The following TMTC1 variants were observed in gnomAD, a reference collection of about 807,000 sequenced individuals.
TMTC1 encodes protein O-mannosyl-transferase TMTC1.
TMTC1 carries 73 observed loss-of-function variants against 104.8 expected under a neutral mutation model. The ratio of observed to expected loss-of-function variants is 0.70; its 90% CI spans 0.58 to 0.85. The LOEUF is 0.85. Ranked by LOEUF, TMTC1 falls within the 40% of genes least tolerant of loss-of-function variation. The pLI, the probability that TMTC1 is intolerant of heterozygous loss-of-function variation, is 0.00. For synonymous variants in TMTC1, 434 were observed against 428.7 expected, an observed-to-expected ratio of 1.01 and a Z score of -0.15; for missense variants, 1,035 against 1,096.1, an observed-to-expected ratio of 0.94 and a Z score of 0.79.
At chr12:29,587,204 T>C (rs1946161212) in intron 7 of TMTC1, among the ~76,000 whole-genome samples, 1 of 152,246 alleles carries the variant, frequency 6.6e-6, no homozygotes, top group African/African-American at 2.4e-5. Context: ...TTCTTCTAGA[T>C]TTTCTAATTT....
At chr12:29,551,606 A>C (rs1945106246) in intron 10 of TMTC1, among the ~76,000 whole-genome samples, 1 of 152,146 alleles carries the variant, frequency 6.6e-6, no homozygotes. Context: ...GTTCTTCAAG[A>C]AGTTCTTTTT....
intron 8 of TMTC1, among the ~76,000 whole-genome samples, chr12:29,572,628 C>A (rs1945711030): frequency 6.6e-6 from 1 of 152,158 alleles, no homozygotes; most frequent in Non-Finnish European, 1.5e-5. Flanking sequence ...ACACACACAA[C>A]CTTGCAATTA....
chr12:29,702,943 AAGACC>A (rs1281633759), intron 5 of TMTC1, among the ~76,000 whole-genome samples: 1 of 152,042 alleles, frequency 6.6e-6, no homozygotes, highest in Non-Finnish European at 1.5e-5. Context: ...TCAGGAGATC[AAGACC>A]AGACCGGGCA....
Position 29,633,249 on chromosome 12 carries a change from A to T in TMTC1, c.1026T>A (p.Ser342Arg), listed in dbSNP as rs1313648484. ...CCCATATGGTCTCTACCAGAGGAATACTGCCGACCTGCCAGTCATAGCACA... is the reference window on the plus strand; with the variant it reads ...CCCATATGGTCTCTACCAGAGGAATTCTGCCGACCTGCCAGTCATAGCACA... ...VTLCYDWQVGSIPLVETIWDM... is the reference protein window; with the variant it reads ...VTLCYDWQVGRIPLVETIWDM... Residue 342 changes from serine to arginine, a missense_variant, in exon 6 of 18, where the codon AGT (serine) becomes AGA (arginine). By Grantham distance (110) the Ser-to-Arg change is moderately radical. Transcript: ENST00000539277. 8.7e-6 allele frequency: 14 copies of T among 1,613,942 alleles called. No individual in the cohort carries two copies. The highest frequency in any genetic ancestry group is 1.2e-5 in the Non-Finnish European group (14 of 1,179,988).
In TMTC1 at chr12:29,783,809, A is replaced by C; in HGVS notation, c.-58T>G. The C allele has an allele frequency of 2.7e-6, 3 of 1,107,428 alleles. No homozygotes were observed. The highest frequency in any genetic ancestry group is 3.3e-6 in the Non-Finnish European group (3 of 909,444). The allele number at this position is 1,107,428 out of a possible 1,614,324, so 68.6% of individuals were successfully genotyped here. On this transcript the variant is annotated 5_prime_UTR_variant, in exon 1 of 18. Coordinates refer to ENST00000539277, the MANE Select transcript of TMTC1 (RefSeq NM_001193451.2). The surrounding 1 kb of genome is among the most constrained non-coding windows in gnomAD (Gnocchi z 4.7). ...TCCCGGGCGTCTGGCATCCTCCCCT[A>C]CCGGGGCCCCGGCGGCGCGCGGCGT... is the stretch of plus-strand genomic sequence containing the variant.
Position 29,512,896 on chromosome 12 carries a change from T to C in TMTC1, c.2431-776A>G, listed in dbSNP as rs560973758. Among the ~76,000 whole-genome samples the C allele has an allele frequency of 3.3e-5, 5 of 152,304 alleles. 1 individual carries two copies. The East Asian group carries it at 9.6e-4, about 29-fold the overall frequency. Reference sequence around the variant, plus strand: ...TGCCTTTAATTACAAAGCTAAGTATTTGTGCACATATTTTAATGTTCCTTG... The same window carrying C: ...TGCCTTTAATTACAAAGCTAAGTATCTGTGCACATATTTTAATGTTCCTTG... On this transcript the variant is annotated intron_variant, in intron 16 of 17. Coordinates refer to ENST00000539277, the MANE Select transcript of TMTC1 (RefSeq NM_001193451.2).
intron 5 of TMTC1, among the ~76,000 whole-genome samples, chr12:29,635,533 C>T (rs761607894): frequency 3.3e-5 from 5 of 152,120 alleles, no homozygotes; most frequent in Non-Finnish European, 5.9e-5. Context: ...GGTGAAAAGC[C>T]GATGAGGTCC....
chr12:29,751,731 T>C lies in TMTC1; in HGVS notation c.873A>G (p.Pro291=), dbSNP rs764539264. 6.2e-7 allele frequency: 1 copy of C among 1,613,970 alleles called. No individual in the cohort carries two copies. The highest frequency in any genetic ancestry group is 8.5e-7 in the Non-Finnish European group (1 of 1,180,022). ...HKGAWGGCHS[P]LPPEPKSSGF... ...CACTGCTCTTGGGTTCTGGTGGCAG[T>C]GGAGAGTGGCAGCCACCCCAAGCTC... Residue 291 remains proline (P), a synonymous_variant, in exon 5 of 18, where the codon CCA becomes CCG. Transcript: ENST00000539277.
intron 5 of TMTC1, among the ~76,000 whole-genome samples, chr12:29,730,476 C>T (rs1192861495): frequency 6.6e-6 from 1 of 152,146 alleles, no homozygotes; most frequent in Non-Finnish European, 1.5e-5. Context: ...CAAAATAATA[C>T]CCATGCCTAG....
At chr12:29,707,127 C>T (rs1444466244) in intron 5 of TMTC1, among the ~76,000 whole-genome samples, 1 of 152,110 alleles carries the variant, frequency 6.6e-6, no homozygotes, top group African/African-American at 2.4e-5. Flanking sequence ...TTGCTTTTCA[C>T]CTCGTGGATG....
At chr12:29,647,791 G>C (rs1019932252) in intron 5 of TMTC1, among the ~76,000 whole-genome samples, 1 of 152,150 alleles carries the variant, frequency 6.6e-6, no homozygotes, top group Non-Finnish European at 1.5e-5. Context: ...TGCTAAGAGA[G>C]AGCCTTCATA....
intron 17 of TMTC1, 147 bp from the exon 18 acceptor site, chr12:29,507,133 T>G: frequency 1.5e-6 from 1 of 673,852 alleles, no homozygotes; most frequent in Non-Finnish European, 2.5e-6. Flanking sequence ...ATTTTATCCT[T>G]GTCTATTGGT....
chr12:29,590,623 A>G (rs1186552155), intron 7 of TMTC1, among the ~76,000 whole-genome samples: 1 of 152,104 alleles, frequency 6.6e-6, no homozygotes, highest in East Asian at 1.9e-4. Context: ...TGTCTCTACT[A>G]AAAATACCAA....
intron 5 of TMTC1, among the ~76,000 whole-genome samples, chr12:29,683,825 A>C (rs1941001693): frequency 6.6e-6 from 1 of 151,648 alleles, no homozygotes; most frequent in Non-Finnish European, 1.5e-5. Context: ...AAAATTAGTA[A>C]AGATAGTCTA....
At chr12:29,660,799 C>A in intron 5 of TMTC1, 11 of 1,127,028 alleles carry the variant, frequency 9.8e-6, no homozygotes, top group South Asian at 1.8e-5. Context: ...TATATATATA[C>A]TTACATAACT....
intron 10 of TMTC1, among the ~76,000 whole-genome samples, chr12:29,550,887 T>C (rs1173430167): frequency 3.2e-5 from 4 of 123,910 alleles, no homozygotes; most frequent in African/African-American, 1.3e-4. Context: ...AGCAGGGAGA[T>C]TGCATCACTG....
At chr12:29,515,837 T>C (rs1335562751) in intron 15 of TMTC1, among the ~76,000 whole-genome samples, 2 of 151,526 alleles carry the variant, frequency 1.3e-5, no homozygotes, top group African/African-American at 4.8e-5. Context: ...AATTACTTCA[T>C]TGAGTCAGTT....
intron 6 of TMTC1, among the ~76,000 whole-genome samples, chr12:29,632,217 G>C (rs976599280): frequency 6.6e-6 from 1 of 152,124 alleles, no homozygotes; most frequent in African/African-American, 2.4e-5. Context: ...TTTACTGCTA[G>C]ATCTGACAGG....
intron 2 of TMTC1, among the ~76,000 whole-genome samples, chr12:29,761,737 T>G (rs771406234): frequency 5.3e-5 from 8 of 152,184 alleles, no homozygotes; most frequent in Non-Finnish European, 7.3e-5. Flanking sequence ...ACAGGAATAG[T>G]ATCACCCACG....
Sources: gnomAD v4.1 joint callset for allele counts (sites outside exome capture counted in the v4.1 genomes callset) on GRCh38, gnomAD v4.1.1 for gene constraint, Gnocchi (gnomAD v3.1) non-coding constraint, MANE v1.5 for transcripts, NCBI Gene and HGNC (gene_info 2026-07-23, HGNC 2026-07-21) for gene names.